Variants in DNMT1 observed in about 807,000 individuals in gnomAD.
The protein encoded by DNMT1 is DNA (cytosine-5)-methyltransferase 1.
Under a neutral mutation model 205.3 loss-of-function variants are expected in DNMT1, and 24 were observed. That is an observed-to-expected ratio of 0.12 (90% CI 0.08 to 0.16). DNMT1 has a LOEUF of 0.16. Ranked by LOEUF, DNMT1 falls within the 10% of genes least tolerant of loss-of-function variation. The probability of loss-of-function intolerance (pLI) is 1.00; values close to 1 mark genes in which losing one functional copy is unlikely to be tolerated. For missense variants in DNMT1, 1,293 were observed against 2,177.7 expected, an observed-to-expected ratio of 0.59 and a Z score of 8.09; for synonymous variants, 817 against 839.8, an observed-to-expected ratio of 0.97 and a Z score of 0.47.
At chr19:10,186,339 C>T (rs886759046) in intron 1 of DNMT1, among the ~76,000 whole-genome samples, 2 of 152,024 alleles carry the variant, frequency 1.3e-5, no homozygotes, top group East Asian at 3.9e-4. Context: ...GAGGAGCTGG[C>T]GGGAGGGTAA....
intron 39 of DNMT1, among the ~76,000 whole-genome samples, chr19:10,134,543 T>C (rs974326502): frequency 6.6e-6 from 1 of 152,206 alleles, no homozygotes; most frequent in African/African-American, 2.4e-5. Context: ...TTGAAGAGCT[T>C]CAGAAAGACT....
chr19:10,140,473 G>C lies in DNMT1; in HGVS notation c.3524-145C>G. 1 of 1,239,432 alleles carries C rather than the reference G, an allele frequency of 8.1e-7. No homozygotes were observed. The highest frequency in any genetic ancestry group is 2.1e-5 in the Admixed American group (1 of 48,152). The allele number at this position is 1,239,432 out of a possible 1,614,324, so 76.8% of individuals were successfully genotyped here. A position where few individuals can be genotyped will look rare whatever the true frequency, so the allele number is the denominator to read the frequency against. On this transcript the variant is annotated intron_variant, in intron 32 of 40. Transcript: ENST00000359526. The surrounding 1 kb of genome is among the most constrained non-coding windows in gnomAD (Gnocchi z 8.4). ...CAAGCTCTGCCTCCCAGGTTCAAGC[G>C]ATTCTCCCACCTCAGCCTCCTGAGT...
chr19:10,139,898 C>A, intron 33 of DNMT1, 81 bp from the exon 34 acceptor site: 1 of 1,563,870 alleles, frequency 6.4e-7, no homozygotes, highest in Non-Finnish European at 8.6e-7. Context: ...AAGCCCCTCA[C>A]GAATGTTATC....
At chr19:10,179,885 G>A in intron 5 of DNMT1, 1 of 176,470 alleles carries the variant, frequency 5.7e-6, no homozygotes, top group Non-Finnish European at 1.2e-5. Context: ...AGCTACTTGG[G>A]AGGCTGAGGC....
rs2145261239 is a variant in DNMT1, at chr19:10,138,758, C to T, written c.3949-153G>A. Among the ~76,000 whole-genome samples the T allele has an allele frequency of 6.6e-6, 1 of 152,356 alleles. No individual in the cohort carries two copies. Among genetic ancestry groups the T allele is most frequent in the Admixed American group, 6.5e-5 (1 of 15,300 alleles). Reference sequence around the variant, plus strand: ...ATCCCCAGTTACCTCAGCAGGCGTGCTCCTGGTCAGAGGAGTTTGGAGCAG... The same window carrying T: ...ATCCCCAGTTACCTCAGCAGGCGTGTTCCTGGTCAGAGGAGTTTGGAGCAG... On this transcript the variant is annotated intron_variant, in intron 34 of 40. Coordinates refer to ENST00000359526, the MANE Select transcript of DNMT1 (RefSeq NM_001130823.3). This position sits in a 1 kb window ranked among gnomAD's most constrained non-coding sequence, Gnocchi z 4.1.
chr19:10,175,648 T>A, intron 6 of DNMT1, 30 bp from the exon 7 acceptor site: 1 of 1,612,520 alleles, frequency 6.2e-7, no homozygotes, highest in Non-Finnish European at 8.5e-7. Flanking sequence ...CAACCATTAG[T>A]GGAACAAGAC....
chr19:10,169,346 T>C (rs1167761306), intron 9 of DNMT1, among the ~76,000 whole-genome samples: 2 of 135,782 alleles, frequency 1.5e-5, no homozygotes, highest in African/African-American at 5.7e-5. Flanking sequence ...ATCGAGACCA[T>C]CCTGGCTAAC....
chr19:10,135,881 G>C, intron 38 of DNMT1, 29 bp from the exon 39 acceptor site: 1 of 1,539,342 alleles, frequency 6.5e-7, no homozygotes, highest in Non-Finnish European at 8.7e-7. Context: ...GTGGGCGAGG[G>C]CAGTAGCACC....
At chr19:10,170,254 C>T (rs1439733637) in intron 9 of DNMT1, among the ~76,000 whole-genome samples, 1 of 151,954 alleles carries the variant, frequency 6.6e-6, no homozygotes, top group Non-Finnish European at 1.5e-5. Flanking sequence ...CACTTCACTC[C>T]AGCCTGAGCG....
chr19:10,143,463 G>T (rs1287895157), intron 29 of DNMT1, among the ~76,000 whole-genome samples: 1 of 148,758 alleles, frequency 6.7e-6, no homozygotes, highest in Non-Finnish European at 1.5e-5. Context: ...AGACTCAAGT[G>T]ATCTTCCTGC....
intron 27 of DNMT1, among the ~76,000 whole-genome samples, chr19:10,147,050 G>C (rs931475075): frequency 1.3e-5 from 2 of 152,154 alleles, no homozygotes; most frequent in African/African-American, 4.8e-5. Context: ...CTTGAGCCCA[G>C]AAGTTTGAGA....
chr19:10,176,202 A>G (rs921391506), intron 6 of DNMT1, among the ~76,000 whole-genome samples: 1 of 152,154 alleles, frequency 6.6e-6, no homozygotes, highest in Non-Finnish European at 1.5e-5. Context: ...AAAAATAAAA[A>G]GCTGGAATCT....
chr19:10,162,124 G>A (rs146584288), intron 13 of DNMT1, among the ~76,000 whole-genome samples: 1 of 150,782 alleles, frequency 6.6e-6, no homozygotes, highest in Non-Finnish European at 1.5e-5. Context: ...AGACAGGCGT[G>A]AGCCGCTGTG....
At chr19:10,144,148 G>A (rs182103702) in intron 28 of DNMT1, 161 bp from the exon 29 acceptor site, 6 of 778,416 alleles carry the variant, frequency 7.7e-6, no homozygotes, top group Admixed American at 4.1e-5. Flanking sequence ...TGTGGCTCAC[G>A]CCTGTAATCC....
At chr19:10,161,578 T>C (rs767303255) in intron 13 of DNMT1, among the ~76,000 whole-genome samples, 1 of 152,078 alleles carries the variant, frequency 6.6e-6, no homozygotes, top group Non-Finnish European at 1.5e-5. Flanking sequence ...GCCCAGGAGT[T>C]TGCGGCTATG....
intron 24 of DNMT1, 144 bp from the exon 25 acceptor site, chr19:10,150,112 C>T (rs2038307044): frequency 1.3e-6 from 1 of 764,004 alleles, no homozygotes; most frequent in South Asian, 1.5e-5. Context: ...AGAGAACATC[C>T]TGTTCTACAA....
At chr19:10,181,921 T>A (rs1359038674) in intron 2 of DNMT1, 120 bp downstream of exon 2, 3 of 838,880 alleles carry the variant, frequency 3.6e-6, no homozygotes, top group South Asian at 3.1e-5. Context: ...ATCCAAATTA[T>A]CTTTGAAACT....
intron 6 of DNMT1, among the ~76,000 whole-genome samples, chr19:10,176,375 G>A (rs2038938653): frequency 6.6e-6 from 1 of 152,158 alleles, no homozygotes; most frequent in African/African-American, 2.4e-5. Context: ...AATCTGTGAG[G>A]AATTTTAAGT....
At position 10,182,077 on chromosome 19, in the gene DNMT1, C is replaced by G; in HGVS notation, c.81G>C (p.Arg27=). Residue 27 remains arginine (R), a splice_region_variant and synonymous_variant, in exon 2 of 41, where the codon CGG becomes CGC. Coordinates refer to ENST00000359526, the MANE Select transcript of DNMT1 (RefSeq NM_001130823.3). ...AISLPDDVRR[R]LKDLERDSLT... ...AGCTGTCTCTTTCCAAATCTTTGAG[C>G]CTGGGAGGAAGAAATAGGGGAGAAA... 6.2e-7 allele frequency: 1 copy of G among 1,613,118 alleles called. No individual in the cohort carries two copies.
Sources: gnomAD v4.1 joint callset for allele counts (sites outside exome capture counted in the v4.1 genomes callset) on GRCh38, gnomAD v4.1.1 for gene constraint, Gnocchi (gnomAD v3.1) non-coding constraint, MANE v1.5 for transcripts, NCBI Gene and HGNC (gene_info 2026-07-23, HGNC 2026-07-21) for gene names.